The following POU2AF2 variants were observed in gnomAD, a reference collection of about 807,000 sequenced individuals.
The protein encoded by POU2AF2 is POU class 2 homeobox associating factor 2, also known as POU domain class 2-associating factor 2.
the POU2AF2 span, among the ~76,000 whole-genome samples, chr11:111,265,439 G>A: frequency 6.6e-6 from 1 of 152,078 alleles, no homozygotes; most frequent in Non-Finnish European, 1.5e-5. Flanking sequence ...TTAAGTGCCT[G>A]AATATCAGAG....
the POU2AF2 span, chr11:111,284,325 T>G: frequency 6.2e-7 from 1 of 1,611,862 alleles, no homozygotes; most frequent in Non-Finnish European, 8.5e-7. Flanking sequence ...GCCTCGCCCC[T>G]ACCGCCGCTC....
the POU2AF2 span, among the ~76,000 whole-genome samples, chr11:111,251,170 A>G: frequency 1.3e-5 from 2 of 152,154 alleles, no homozygotes; most frequent in Admixed American, 6.5e-5. Context: ...ATTGCCCTGG[A>G]TGGAGCCTGG....
At chr11:111,279,644 G>A in the POU2AF2 span, among the ~76,000 whole-genome samples, 2 of 152,142 alleles carry the variant, frequency 1.3e-5, no homozygotes, top group African/African-American at 4.8e-5. Context: ...AGTCACATGA[G>A]ATTTAGGACC....
At chr11:111,271,805 G>A in the POU2AF2 span, among the ~76,000 whole-genome samples, 1 of 152,096 alleles carries the variant, frequency 6.6e-6, no homozygotes, top group South Asian at 2.1e-4. Context: ...CTGGGGTCAG[G>A]AGTTCGAGAC....
the POU2AF2 span, chr11:111,281,462 G>T: frequency 6.2e-7 from 1 of 1,611,696 alleles, no homozygotes; most frequent in Non-Finnish European, 8.5e-7. Context: ...AATTCAATAA[G>T]CAATTATTCC....
the POU2AF2 span, among the ~76,000 whole-genome samples, chr11:111,274,840 G>A: frequency 6.6e-6 from 1 of 152,206 alleles, no homozygotes; most frequent in Admixed American, 6.5e-5. Flanking sequence ...TCTGATATCA[G>A]AAAGGCCCTT....
chr11:111,279,214 A>G, the POU2AF2 span, among the ~76,000 whole-genome samples: 8 of 152,060 alleles, frequency 5.3e-5, no homozygotes, highest in Non-Finnish European at 4.4e-5. Flanking sequence ...TGTGTCTCCC[A>G]CCCCATTCTT....
chr11:111,280,053 AAAAAAT>A, the POU2AF2 span, among the ~76,000 whole-genome samples: 40 of 61,878 alleles, frequency 6.5e-4, no homozygotes, highest in Admixed American at 1.9e-3. Context: ...AAAAAAAAAA[AAAAAAT>A]ATATATATAT....
At chr11:111,274,297 G>A in the POU2AF2 span, among the ~76,000 whole-genome samples, 1 of 152,076 alleles carries the variant, frequency 6.6e-6, no homozygotes, top group African/African-American at 2.4e-5. Flanking sequence ...TGACTTTTGT[G>A]TTTATCCATC....
the POU2AF2 span, chr11:111,285,818 G>T: frequency 2.1e-5 from 34 of 1,608,120 alleles, no homozygotes; most frequent in Admixed American, 4.8e-4. Flanking sequence ...CCTGGCTGGG[G>T]CTCAGTCATA....
the POU2AF2 span, among the ~76,000 whole-genome samples, chr11:111,265,281 C>T: frequency 1.3e-5 from 2 of 152,184 alleles, no homozygotes; most frequent in African/African-American, 4.8e-5. Context: ...CCAAAGCCTC[C>T]GGAATATTTT....
At chr11:111,253,100 T>A in the POU2AF2 span, among the ~76,000 whole-genome samples, 1 of 152,176 alleles carries the variant, frequency 6.6e-6, no homozygotes, top group Non-Finnish European at 1.5e-5. Flanking sequence ...TTCCCCTGGT[T>A]TTTCCTGTTT....
the POU2AF2 span, among the ~76,000 whole-genome samples, chr11:111,283,018 G>A: frequency 6.8e-6 from 1 of 147,352 alleles, no homozygotes; most frequent in East Asian, 2.0e-4. Context: ...GCTCTTATCA[G>A]TTTCTGTCCC....
the POU2AF2 span, chr11:111,284,177 AGCGTGGGGAAGCCG>A: frequency 6.2e-7 from 1 of 1,614,208 alleles, no homozygotes. Context: ...CTACACCTCC[AGCGTGGGGAAGCCG>A]TTTCCCTGTG....
chr11:111,280,057 A>AAAAATATATATATATATAT, the POU2AF2 span, among the ~76,000 whole-genome samples: 24 of 76,470 alleles, frequency 3.1e-4, no homozygotes, highest in East Asian at 9.2e-4. Flanking sequence ...AAAAAAAAAA[A>AAAAATATATATATATATAT]ATATATATAT....
chr11:111,267,943 A>G, the POU2AF2 span, among the ~76,000 whole-genome samples: 1 of 152,360 alleles, frequency 6.6e-6, no homozygotes, highest in East Asian at 1.9e-4. Context: ...ATTCCATGCT[A>G]GAAACAGATA....
chr11:111,276,454 ATATATATATAT>A, the POU2AF2 span, among the ~76,000 whole-genome samples: 41 of 19,072 alleles, frequency 2.1e-3, no homozygotes, highest in South Asian at 0.04. Context: ...AAAAAAAAAA[ATATATATATAT>A]ATATATATAT....
the POU2AF2 span, among the ~76,000 whole-genome samples, chr11:111,284,756 A>G: frequency 3.9e-5 from 6 of 152,208 alleles, no homozygotes; most frequent in African/African-American, 1.4e-4. Context: ...GCTAGGCAGT[A>G]ATGAGATGGA....
the POU2AF2 span, among the ~76,000 whole-genome samples, chr11:111,260,553 A>G: frequency 6.6e-6 from 1 of 152,170 alleles, no homozygotes; most frequent in Non-Finnish European, 1.5e-5. Context: ...GGGAGAAGAT[A>G]CACAAAAGAT....
Sources: gnomAD v4.1 joint callset for allele counts (sites outside exome capture counted in the v4.1 genomes callset) on GRCh38, gnomAD v4.1.1 for gene constraint, MANE v1.5 for transcripts, NCBI Gene and HGNC (gene_info 2026-07-23, HGNC 2026-07-21) for gene names.